THAP2: variants seen among roughly 807,000 people sequenced by gnomAD.
THAP2 encodes THAP domain-containing protein 2.
In THAP2, 16 loss-of-function variants were observed where a neutral mutation model predicts 18.8. That is an observed-to-expected ratio of 0.85 (90% confidence interval 0.58 to 1.29). The LOEUF is 1.29. THAP2 is among the 50% of genes most tolerant of loss of function. The pLI, the probability that THAP2 is intolerant of heterozygous loss-of-function variation, is 0.00. For missense variants in THAP2, 251 were observed against 265.3 expected, an observed-to-expected ratio of 0.95 and a Z score of 0.38; for synonymous variants, 80 against 89.2, an observed-to-expected ratio of 0.90 and a Z score of 0.58.
intron 1 of THAP2, among the ~76,000 whole-genome samples, chr12:71,667,127 C>T (rs1343864391): frequency 1.3e-5 from 2 of 152,200 alleles, no homozygotes; most frequent in African/African-American, 2.4e-5. Flanking sequence ...TCTTAAGTCT[C>T]CCCAGTAATC....
chr12:71,671,942 C>A (rs2137579810), intron 1 of THAP2, among the ~76,000 whole-genome samples: 1 of 152,270 alleles, frequency 6.6e-6, no homozygotes, highest in African/African-American at 2.4e-5. Flanking sequence ...TTCAATGGAA[C>A]CAATCCAGAA....
rs116624039 is a variant in THAP2, at chr12:71,666,267, C to T, written c.71+1687C>T. On this transcript the variant is annotated intron_variant, in intron 1 of 2. Coordinates refer to ENST00000308086, the MANE Select transcript of THAP2 (RefSeq NM_031435.4). ...GCTCACACCTGTAATCCCAGCACTT[C>T]GAGAGGCCAGGGCGGGCTGATCACT... Among the ~76,000 whole-genome samples, 680 of 152,102 alleles carry T rather than the reference C, an allele frequency of 4.5e-3. 6 individuals carry two copies. The highest frequency in any genetic ancestry group is 0.016 in the African/African-American group (654 of 41,494).
Position 71,664,463 on chromosome 12 carries a change from A to G in THAP2, c.-47A>G, listed in dbSNP as rs1252887965. The G allele has an allele frequency of 3.7e-6, 6 of 1,611,638 alleles. No individual in the cohort carries two copies. Among genetic ancestry groups the G allele is most frequent in the Middle Eastern group, 1.7e-4 (1 of 5,922 alleles). ...TCTGCCAGAAGAAAGCTTAGCAGCC[A>G]GCGCCTCAGTAGAGACCTAAGGGCG... On this transcript the variant is annotated 5_prime_UTR_variant, in exon 1 of 3. Coordinates refer to ENST00000308086, the MANE Select transcript of THAP2 (RefSeq NM_031435.4).
chr12:71,677,776 T>C lies in THAP2; in HGVS notation c.*668T>C, dbSNP rs1277186055. The stretch of plus-strand genomic sequence containing the variant: ...AGTACTTTAAACTAGTAAAATCTAG[T>C]AGCTGATAATATTCACCTAAGTAAG... On this transcript the variant is annotated 3_prime_UTR_variant, in exon 3 of 3. Transcript: ENST00000308086. 1 of 152,158 alleles carries C rather than the reference T, an allele frequency of 6.6e-6. No homozygotes were observed. The highest frequency in any genetic ancestry group is 1.5e-5 in the Non-Finnish European group (1 of 68,006). 9.4% of individuals were successfully genotyped at this position (152,158 alleles called of 1,614,324 possible).
chr12:71,676,431 C>T (rs556039825), intron 2 of THAP2, among the ~76,000 whole-genome samples: 1 of 152,012 alleles, frequency 6.6e-6, no homozygotes, highest in Non-Finnish European at 1.5e-5. Context: ...AAACCTTGGA[C>T]GTCCATTGTC....
intron 1 of THAP2, among the ~76,000 whole-genome samples, chr12:71,673,458 A>G (rs1248355680): frequency 6.6e-6 from 1 of 152,194 alleles, no homozygotes; most frequent in Non-Finnish European, 1.5e-5. Context: ...AAGGAAAAAC[A>G]TTGCTACAAA....
chr12:71,664,544 C>T lies in THAP2; in HGVS notation c.35C>T (p.Thr12Ile). 2 of 1,614,200 alleles carry T rather than the reference C, an allele frequency of 1.2e-6. No homozygotes were observed. The highest frequency in any genetic ancestry group is 1.7e-6 in the Non-Finnish European group (2 of 1,180,034). ...AATTGCGCTGCGGCGGGCTGTGCCA[C>T]TACCTACAACAAGCACATTAACATC... ...PTNCAAAGCA[T>I]TYNKHINISF... The change falls in exon 1 of 3, where the codon ACT (threonine) becomes ATT (isoleucine). Residue 12 changes from threonine (T) to isoleucine (I), a missense_variant. Coordinates refer to ENST00000308086, the MANE Select transcript of THAP2 (RefSeq NM_031435.4).
At position 71,676,944 on chromosome 12, in the gene THAP2, A is replaced by C; in HGVS notation, c.523A>C (p.Asn175His). 1 of 1,613,838 alleles carries C rather than the reference A, an allele frequency of 6.2e-7. No individual in the cohort carries two copies. ...RWIKATCLVK[N>H]LEANSVLPKG... ...GATCAAAGCCACGTGTTTGGTAAAG[A>C]ATTTAGAAGCAAATAGTGTATTACC... The change falls in exon 3 of 3, where the codon AAT (asparagine) becomes CAT (histidine). Residue 175 changes from asparagine to histidine, a missense_variant. By Grantham distance (68) the Asn-to-His change is moderately conservative. Coordinates refer to ENST00000308086, the MANE Select transcript of THAP2 (RefSeq NM_031435.4).
In THAP2 at chr12:71,664,556, A is replaced by G; in HGVS notation, c.47A>G (p.Lys16Arg). 1 of 1,614,168 alleles carries G rather than the reference A, an allele frequency of 6.2e-7. No homozygotes were observed. The highest frequency in any genetic ancestry group is 8.5e-7 in the Non-Finnish European group (1 of 1,180,012). ...AAAGCATTYNKHINISFHRFP... is the reference protein window; with the variant it reads ...AAAGCATTYNRHINISFHRFP... Reference sequence around the variant, plus strand: ...GCGGGCTGTGCCACTACCTACAACAAGCACATTAACATCAGCTTCCACAGG... The same window carrying G: ...GCGGGCTGTGCCACTACCTACAACAGGCACATTAACATCAGCTTCCACAGG... The change falls in exon 1 of 3, where the codon AAG becomes AGG. Residue 16 changes from lysine to arginine, a missense_variant. Physicochemically the swap from Lys to Arg is conservative, Grantham distance 26. Transcript: ENST00000308086.
At position 71,674,212 on chromosome 12, in the gene THAP2, G is replaced by A. The variant is rs187050505; in HGVS notation, c.81G>A (p.Leu27=). The change falls in exon 2 of 3, where the codon TTG becomes TTA. Residue 27 remains leucine (L), a synonymous_variant. Transcript: ENST00000308086. ...TTTTTTTTTTTTTAAGGTTTCCTTT[G>A]GATCCTAAAAGAAGAAAAGAATGGG... ...HINISFHRFP[L]DPKRRKEWVR... The A allele has an allele frequency of 1.3e-6, 2 of 1,570,308 alleles. No homozygotes were observed. The highest frequency in any genetic ancestry group is 4.5e-5 in the East Asian group (2 of 44,062).
Position 71,677,161 on chromosome 12 carries a change from G to C in THAP2, c.*53G>C. The C allele has an allele frequency of 7.1e-7, 1 of 1,414,392 alleles. No homozygotes were observed. Among genetic ancestry groups the C allele is most frequent in the Non-Finnish European group, 9.3e-7 (1 of 1,075,872 alleles). The allele number at this position is 1,414,392 out of a possible 1,614,324, so 87.6% of individuals were successfully genotyped here. On this transcript the variant is annotated 3_prime_UTR_variant, in exon 3 of 3. Coordinates refer to ENST00000308086, the MANE Select transcript of THAP2 (RefSeq NM_031435.4). ...ATCCTTCATTCTTTTCAGAAGTAAA[G>C]ATAATTATGGCACTTATGCCAAAAT...
At chr12:71,664,924 A>G (rs1881305273) in intron 1 of THAP2, 1 of 702,270 alleles carries the variant, frequency 1.4e-6, no homozygotes. Flanking sequence ...CCCAATCAGC[A>G]ATCACCGTAA....
intron 1 of THAP2, among the ~76,000 whole-genome samples, chr12:71,670,715 G>A (rs1247555692): frequency 6.6e-6 from 1 of 152,038 alleles, no homozygotes; most frequent in African/African-American, 2.4e-5. Context: ...GAAGCAGGTG[G>A]GTCACCTGAG....
At chr12:71,668,522 A>G (rs1046546084) in intron 1 of THAP2, among the ~76,000 whole-genome samples, 1 of 152,178 alleles carries the variant, frequency 6.6e-6, no homozygotes, top group Non-Finnish European at 1.5e-5. Flanking sequence ...ATATTATGCA[A>G]AGGAGCCAGG....
In THAP2 at chr12:71,676,943, G is replaced by A. The variant is rs760520725; in HGVS notation, c.522G>A (p.Lys174=). 3 of 1,613,756 alleles carry A rather than the reference G, an allele frequency of 1.9e-6. No individual in the cohort carries two copies. Among genetic ancestry groups the A allele is most frequent in the African/African-American group, 1.3e-5 (1 of 75,040 alleles). ...RRWIKATCLV[K]NLEANSVLPK... ...GGATCAAAGCCACGTGTTTGGTAAA[G>A]AATTTAGAAGCAAATAGTGTATTAC... Residue 174 remains lysine (K), a synonymous_variant, in exon 3 of 3, where the codon AAG becomes AAA. Coordinates refer to ENST00000308086, the MANE Select transcript of THAP2 (RefSeq NM_031435.4).
chr12:71,668,794 G>C (rs1399499035), intron 1 of THAP2, among the ~76,000 whole-genome samples: 1 of 152,034 alleles, frequency 6.6e-6, no homozygotes, highest in Non-Finnish European at 1.5e-5. Flanking sequence ...ATAAGAGCCT[G>C]GTTCTATTAC....
chr12:71,667,416 A>T (rs969903955), intron 1 of THAP2: 2 of 152,206 alleles, frequency 1.3e-5, no homozygotes, highest in African/African-American at 4.8e-5. Flanking sequence ...CTGTCTAATG[A>T]GTTCCAGACC....
At chr12:71,674,142 C>A in intron 1 of THAP2, 61 bp from the exon 2 acceptor site, 1 of 1,451,182 alleles carries the variant, frequency 6.9e-7, no homozygotes, top group South Asian at 1.4e-5. Context: ...TTCTTTTAAT[C>A]ATTTAGGTGC....
chr12:71,668,220 T>C (rs1881376040), intron 1 of THAP2, among the ~76,000 whole-genome samples: 1 of 152,202 alleles, frequency 6.6e-6, no homozygotes, highest in Non-Finnish European at 1.5e-5. Context: ...CTAACTTCTC[T>C]AGCTGATTCC....
Sources: gnomAD v4.1 joint callset for allele counts (sites outside exome capture counted in the v4.1 genomes callset) on GRCh38, gnomAD v4.1.1 for gene constraint, MANE v1.5 for transcripts, NCBI Gene and HGNC (gene_info 2026-07-23, HGNC 2026-07-21) for gene names.